The following ADGRD1 variants were observed in gnomAD, a reference collection of about 807,000 sequenced individuals.
The protein encoded by ADGRD1 is G-protein coupled receptor 133.
A neutral mutation model predicts 113.4 loss-of-function variants in ADGRD1; 77 were observed. The ratio of observed to expected loss-of-function variants is 0.68; its 90% CI spans 0.57 to 0.82. The LOEUF (loss-of-function observed/expected upper bound fraction) is 0.82, where lower values mean the gene tolerates loss of function less well. Among genes scored for constraint, ADGRD1 ranks in the 40% least tolerant of loss-of-function variants. The pLI, the probability that ADGRD1 is intolerant of heterozygous loss-of-function variation, is 0.00. For synonymous variants in ADGRD1, 474 were observed against 475.0 expected, an observed-to-expected ratio of 1.00 and a Z score of 0.03; for missense variants, 1,036 against 1,139.1, an observed-to-expected ratio of 0.91 and a Z score of 1.30.
In ADGRD1 at chr12:131,096,158, G is replaced by C. The variant is rs538134151; in HGVS notation, c.1672-8673G>C. Among the ~76,000 whole-genome samples the C allele has an allele frequency of 6.6e-6, 1 of 152,262 alleles. No homozygotes were observed. Among genetic ancestry groups the C allele is most frequent in the African/African-American group, 2.4e-5 (1 of 41,566 alleles). ...TTTGCTCTTTGTTCTTTTTTTGTTTGTTTTTAAAATTTTCTGTACCTCAAT... is the reference window on the plus strand; with the variant it reads ...TTTGCTCTTTGTTCTTTTTTTGTTTCTTTTTAAAATTTTCTGTACCTCAAT... On this transcript the variant is annotated intron_variant, in intron 15 of 24. Transcript: ENST00000261654. This position sits in a 1 kb window ranked among gnomAD's most constrained non-coding sequence, Gnocchi z 5.2.
chr12:131,000,747 CA>C lies in ADGRD1; in HGVS notation c.1026+323del, dbSNP rs371823726. Among the ~76,000 whole-genome samples, 589 of 112,634 alleles carry C rather than the reference CA, an allele frequency of 5.2e-3. 1 individual carries two copies. Among genetic ancestry groups the C allele is most frequent in the African/African-American group, 0.012 (374 of 30,614 alleles). The allele number at this position is 112,634 out of a possible 152,430, so 73.9% of individuals were successfully genotyped here. A position where few individuals can be genotyped will look rare whatever the true frequency, so the allele number is the denominator to read the frequency against. ...CAGAGTGAGACTCTGTCTCAAAAAA[CA>C]AAAAAAAAAAAAAAAAAGAGAGAGA... On this transcript the variant is annotated intron_variant, in intron 9 of 24. Coordinates refer to ENST00000261654, the MANE Select transcript of ADGRD1 (RefSeq NM_198827.5).
chr12:130,977,331 C>T (rs1210141475), intron 4 of ADGRD1: 1 of 152,230 alleles, frequency 6.6e-6, no homozygotes, highest in Admixed American at 6.5e-5. Flanking sequence ...AAGTGGGTGT[C>T]CTACAGCCCC....
At chr12:130,960,210 C>T (rs1445973801) in intron 2 of ADGRD1, among the ~76,000 whole-genome samples, 1 of 152,226 alleles carries the variant, frequency 6.6e-6, no homozygotes, top group East Asian at 1.9e-4. Context: ...CAAAGCATGT[C>T]ATTACCCAGC....
chr12:131,103,187 T>C (rs542643500), intron 15 of ADGRD1, among the ~76,000 whole-genome samples: 118 of 152,378 alleles, frequency 7.7e-4, no homozygotes, highest in Non-Finnish European at 1.4e-3. Context: ...CAGGTGGCTC[T>C]GCCCAGCCCT....
At chr12:130,974,389 T>G (rs1384079903) in intron 4 of ADGRD1, among the ~76,000 whole-genome samples, 1 of 152,162 alleles carries the variant, frequency 6.6e-6, no homozygotes, top group East Asian at 1.9e-4. Flanking sequence ...AAGAGGAGAC[T>G]TCAGTGAGCA....
intron 13 of ADGRD1, among the ~76,000 whole-genome samples, chr12:131,058,632 G>T (rs1037503859): frequency 6.6e-6 from 1 of 151,932 alleles, no homozygotes; most frequent in Non-Finnish European, 1.5e-5. Flanking sequence ...GGGTATTTTC[G>T]CTGGACATAG....
intron 21 of ADGRD1, among the ~76,000 whole-genome samples, chr12:131,133,982 C>A (rs1003595507): frequency 6.6e-6 from 1 of 152,210 alleles, no homozygotes; most frequent in Admixed American, 6.5e-5. Flanking sequence ...CTGCCACCCC[C>A]CTACCCCAAG....
chr12:131,079,396 T>G (rs1417192606), intron 14 of ADGRD1, among the ~76,000 whole-genome samples: 1 of 152,214 alleles, frequency 6.6e-6, no homozygotes, highest in East Asian at 1.9e-4. Context: ...CTAAATCTAA[T>G]TGGCTACAGT....
intron 15 of ADGRD1, among the ~76,000 whole-genome samples, chr12:131,093,550 G>A (rs1887056765): frequency 6.6e-6 from 1 of 152,344 alleles, no homozygotes; most frequent in Admixed American, 6.5e-5. Flanking sequence ...GAATTACACG[G>A]TGTTGCTGGG....
At chr12:130,960,541 T>C (rs1477279129) in intron 2 of ADGRD1, among the ~76,000 whole-genome samples, 4 of 149,122 alleles carry the variant, frequency 2.7e-5, no homozygotes, top group African/African-American at 9.9e-5. Context: ...ATAATTATAT[T>C]CTATGTTTAT....
At chr12:131,031,865 C>A (rs757368813) in intron 13 of ADGRD1, among the ~76,000 whole-genome samples, 2 of 152,218 alleles carry the variant, frequency 1.3e-5, no homozygotes, top group Admixed American at 1.3e-4. Flanking sequence ...GGTGTCATTG[C>A]CTCGTCCCCG....
rs1427925070 is a variant in ADGRD1 at position 131,057,633 on chromosome 12, G to T, written c.1474-19168G>T. Among the ~76,000 whole-genome samples, 3 of 152,096 alleles carry T rather than the reference G, an allele frequency of 2.0e-5. No individual in the cohort carries two copies. The highest frequency in any genetic ancestry group is 4.4e-5 in the Non-Finnish European group (3 of 68,026). On this transcript the variant is annotated intron_variant, in intron 13 of 24. Coordinates refer to ENST00000261654, the MANE Select transcript of ADGRD1 (RefSeq NM_198827.5). This position sits in a 1 kb window ranked among gnomAD's most constrained non-coding sequence, Gnocchi z 4.2. The stretch of plus-strand genomic sequence containing the variant: ...CTTCCGTGTGTCATTGTCCTTTCCC[G>T]CAGTGTACGAGGACACTCAGATGGG...
rs556060197 is a variant in ADGRD1, at chr12:131,016,049, G to A, written c.1473+1709G>A. Among the ~76,000 whole-genome samples, 61 of 152,286 alleles carry A rather than the reference G, an allele frequency of 4.0e-4. 1 individual carries two copies. Among genetic ancestry groups the A allele is most frequent in the Middle Eastern group, 3.4e-3 (1 of 294 alleles). On this transcript the variant is annotated intron_variant, in intron 13 of 24. Transcript: ENST00000261654. ...GACAGCTGCTGTCATTGCTGGTGTC[G>A]TTCCCTGTGCCTGGTGGGCCTGTCT... is the stretch of plus-strand genomic sequence containing the variant.
intron 18 of ADGRD1, among the ~76,000 whole-genome samples, chr12:131,111,504 C>T (rs1950346115): frequency 6.6e-6 from 1 of 152,210 alleles, no homozygotes; most frequent in African/African-American, 2.4e-5. Flanking sequence ...CTTTCTCTAT[C>T]TCCTGTCTTT....
At chr12:131,122,220 G>A (rs113452701) in intron 20 of ADGRD1, among the ~76,000 whole-genome samples, 1 of 152,290 alleles carries the variant, frequency 6.6e-6, no homozygotes, top group African/African-American at 2.4e-5. Context: ...GGGGCGCCAC[G>A]AGCCGAGGGC....
chr12:130,958,823 G>A (rs1869997966), intron 2 of ADGRD1, among the ~76,000 whole-genome samples: 2 of 147,030 alleles, frequency 1.4e-5, no homozygotes, highest in East Asian at 1.9e-4. Context: ...ATGAAAAGCG[G>A]CCAGTTTGTC....
At chr12:130,955,550 A>G (rs1169202722) in intron 2 of ADGRD1, among the ~76,000 whole-genome samples, 1 of 152,114 alleles carries the variant, frequency 6.6e-6, no homozygotes, top group African/African-American at 2.4e-5. Context: ...AGGGGCAGGG[A>G]TGGGAAGACG....
At chr12:130,972,241 G>T (rs1283734808) in intron 4 of ADGRD1, among the ~76,000 whole-genome samples, 1 of 152,210 alleles carries the variant, frequency 6.6e-6, no homozygotes, top group Non-Finnish European at 1.5e-5. Context: ...CTGGGAAATT[G>T]TTCTCTGCCT....
chr12:131,105,821 G>A lies in ADGRD1; in HGVS notation c.1843G>A (p.Ala615Thr). ...CAACCTGTCCTTCGCCGTGCTGGTG[G>A]CCCAGGTCCTGCTGCTCATTAGTTT... ...HANLSFAVLV[A>T]QVLLLISFRL... The change falls in exon 17 of 25, where the codon GCC becomes ACC. Residue 615 changes from alanine to threonine, a missense_variant. Coordinates refer to ENST00000261654, the MANE Select transcript of ADGRD1 (RefSeq NM_198827.5). 1.2e-6 allele frequency: 2 copies of A among 1,600,860 alleles called. No homozygotes were observed. Among genetic ancestry groups the A allele is most frequent in the Non-Finnish European group, 8.5e-7 (1 of 1,179,932 alleles).
Sources: allele counts gnomAD v4.1 joint callset (sites outside exome capture counted in the v4.1 genomes callset), GRCh38; gene constraint gnomAD v4.1.1; non-coding constraint Gnocchi (gnomAD v3.1); transcripts MANE v1.5; gene names NCBI Gene and HGNC (gene_info 2026-07-23, HGNC 2026-07-21).